Variants in SPG11 observed in about 807,000 individuals in gnomAD.
The protein encoded by SPG11 is spatacsin.
In SPG11, 222 loss-of-function variants were observed where a neutral mutation model predicts 274.0. The observed-to-expected ratio is 0.81, with a 90% CI of 0.73 to 0.91. SPG11 has a LOEUF of 0.91. SPG11 is among the 40% of genes least tolerant of loss of function. The probability of loss-of-function intolerance (pLI) is 0.00; values close to 1 mark genes in which losing one functional copy is unlikely to be tolerated. For synonymous variants in SPG11, 1,144 were observed against 1,039.7 expected, an observed-to-expected ratio of 1.10 and a Z score of -1.93; for missense variants, 3,114 against 2,872.7, an observed-to-expected ratio of 1.08 and a Z score of -1.92.
intron 30 of SPG11, among the ~76,000 whole-genome samples, chr15:44,580,199 T>C (rs887038513): frequency 6.6e-6 from 1 of 152,204 alleles, no homozygotes; most frequent in African/African-American, 2.4e-5. Flanking sequence ...ATACTTACCA[T>C]TGTGTTATAA....
chr15:44,589,899 G>A (rs1046571876), intron 27 of SPG11, among the ~76,000 whole-genome samples: 18 of 152,128 alleles, frequency 1.2e-4, no homozygotes, highest in African/African-American at 2.9e-4. Flanking sequence ...TCTGCCTCCC[G>A]GCTTCAAGTG....
chr15:44,597,615 T>G (rs2083078681), intron 23 of SPG11, among the ~76,000 whole-genome samples: 1 of 152,206 alleles, frequency 6.6e-6, no homozygotes, highest in Admixed American at 6.5e-5. Flanking sequence ...CTCAGAGGCC[T>G]GGTGGGTGCC....
At chr15:44,575,274 A>C in intron 30 of SPG11, 1 of 524,812 alleles carries the variant, frequency 1.9e-6, no homozygotes, top group Non-Finnish European at 3.4e-6. Context: ...GATCAAGGCC[A>C]CCTAATGAGT....
Position 44,663,435 on chromosome 15 carries a change from G to T in SPG11, c.213C>A (p.Gly71=). Residue 71 remains glycine, a synonymous_variant, in exon 1 of 40, where the codon GGC becomes GGA. Transcript: ENST00000261866. ...GGCAGCAGCGACCCCCGCCCCGGCT[G>T]CCAGGCGTCAAAGAAAGCACTTGGA... ...GSLQVLSLTP[G]SRGGGRCCLE... 6.2e-7 allele frequency: 1 copy of T among 1,604,076 alleles called. No homozygotes were observed. Among genetic ancestry groups the T allele is most frequent in the Non-Finnish European group, 8.5e-7 (1 of 1,175,986 alleles).
chr15:44,578,664 GCA>G (rs1231842280), intron 30 of SPG11, among the ~76,000 whole-genome samples: 1 of 152,108 alleles, frequency 6.6e-6, no homozygotes, highest in Admixed American at 6.5e-5. Context: ...TAGGTGGCGT[GCA>G]CACACAGGAC....
At chr15:44,582,622 A>G (rs998112482) in intron 30 of SPG11, among the ~76,000 whole-genome samples, 1 of 152,200 alleles carries the variant, frequency 6.6e-6, no homozygotes, top group Non-Finnish European at 1.5e-5. Flanking sequence ...AATCTTTAAC[A>G]AAACAGCAAA....
intron 28 of SPG11, among the ~76,000 whole-genome samples, chr15:44,589,049 A>C (rs1165384495): frequency 1.3e-5 from 2 of 152,188 alleles, no homozygotes; most frequent in African/African-American, 2.4e-5. Context: ...ATGATTGGTT[A>C]TATCATTTAT....
Position 44,577,515 on chromosome 15 carries a change from A to AC in SPG11, c.5867-2475_5867-2474insG, listed in dbSNP as rs1203135605. On this transcript the variant is annotated intron_variant, in intron 30 of 39. Coordinates refer to ENST00000261866, the MANE Select transcript of SPG11 (RefSeq NM_025137.4). ...GAGGCCCTATCTCAAAAAAAAAAAA[A>AC]AAAACAAAACAAAAACTCTTAAAGA... is the stretch of plus-strand genomic sequence containing the variant. Among the ~76,000 whole-genome samples the AC allele has an allele frequency of 1.7e-3, 259 of 151,378 alleles. 1 individual carries two copies. Among genetic ancestry groups the AC allele is most frequent in the East Asian group, 8.3e-3 (43 of 5,158 alleles).
At chr15:44,636,718 G>A (rs577516639) in intron 7 of SPG11, among the ~76,000 whole-genome samples, 1 of 151,048 alleles carries the variant, frequency 6.6e-6, no homozygotes, top group African/African-American at 2.4e-5. Context: ...TTGAGGTTAG[G>A]AGTTTGAGAC....
At chr15:44,648,512 C>CAAAA (rs57643988) in intron 7 of SPG11, among the ~76,000 whole-genome samples, 147 of 54,198 alleles carry the variant, frequency 2.7e-3, no homozygotes, top group Non-Finnish European at 4.0e-3. Context: ...CACCCTGTGT[C>CAAAA]AAAAAAAAAA....
intron 8 of SPG11, among the ~76,000 whole-genome samples, chr15:44,632,899 A>G (rs1445640397): frequency 6.6e-6 from 1 of 152,186 alleles, no homozygotes; most frequent in African/African-American, 2.4e-5. Flanking sequence ...AATTTTCCAA[A>G]TAAATGTTTT....
chr15:44,633,570 T>C lies in SPG11; in HGVS notation c.1670A>G (p.Asn557Ser), dbSNP rs372263107. The C allele has an allele frequency of 3.0e-5, 48 of 1,612,732 alleles. No individual in the cohort carries two copies. In the African/African-American group the frequency reaches 6.1e-4, roughly 21 times the overall value. The part of the protein sequence containing the change: ...FFLKSKENLF[N>S]PSSKSSVSDQ... ...AGATACAGAAGATTTTGAGGATGGA[T>C]TAAAAAGATTTTCCTTGCTCTTCAA... The change falls in exon 8 of 40, where the codon AAT becomes AGT. Residue 557 changes from asparagine (N) to serine (S), a missense_variant. Transcript: ENST00000261866.
At chr15:44,619,914 C>A (rs1218315267) in intron 15 of SPG11, among the ~76,000 whole-genome samples, 1 of 152,008 alleles carries the variant, frequency 6.6e-6, no homozygotes, top group Non-Finnish European at 1.5e-5. Flanking sequence ...CAGGGTTTCA[C>A]CGTGTTGGCA....
Position 44,564,590 on chromosome 15 carries a change from GCT to G in SPG11, c.7106_7107del (p.Gln2369ProfsTer10). The G allele has an allele frequency of 1.2e-6, 2 of 1,613,788 alleles. No individual in the cohort carries two copies. Among genetic ancestry groups the G allele is most frequent in the Non-Finnish European group, 1.7e-6 (2 of 1,179,778 alleles). ...GDFNYLEEFKQQRLLKSSIFE... is the reference protein window; with the variant it reads ...GDFNYLEEFKXQRLLKSSIFE... ...AATATACTGGACTTTAATAACCTTT[GCT>G]GCTTAAATTCTTCCAAGTAATTAAA... On this transcript the variant is annotated frameshift_variant, in exon 39 of 40. Transcript: ENST00000261866. LOFTEE classifies it high-confidence loss of function.
chr15:44,576,836 T>A (rs557023323), intron 30 of SPG11, among the ~76,000 whole-genome samples: 2 of 152,144 alleles, frequency 1.3e-5, no homozygotes, highest in East Asian at 3.9e-4. Context: ...GAATTGGCTT[T>A]TTTTGTGTGT....
At chr15:44,652,683 C>T (rs963648036) in intron 4 of SPG11, among the ~76,000 whole-genome samples, 5 of 148,204 alleles carry the variant, frequency 3.4e-5, no homozygotes, top group South Asian at 2.1e-4. Context: ...GAGACAGAGT[C>T]TCACTCTGTC....
intron 7 of SPG11, among the ~76,000 whole-genome samples, chr15:44,640,614 T>C (rs767529743): frequency 2.6e-5 from 4 of 152,178 alleles, no homozygotes; most frequent in East Asian, 1.9e-4. Flanking sequence ...CAAGATGGAA[T>C]TGGCCTAAGG....
At chr15:44,564,522 T>G in intron 39 of SPG11, 25 bp downstream of exon 39, 2 of 1,611,882 alleles carry the variant, frequency 1.2e-6, no homozygotes, top group Middle Eastern at 2.0e-4. Flanking sequence ...AGGAGCAATG[T>G]TTACAGTCAA....
intron 7 of SPG11, among the ~76,000 whole-genome samples, chr15:44,636,934 A>AAAAAAAAAAAG (rs2084281228): frequency 8.2e-6 from 1 of 122,408 alleles, no homozygotes; most frequent in Non-Finnish European, 1.8e-5. Context: ...TCAAAAAAAA[A>AAAAAAAAAAAG]AAAAAAAAAA....
Sources: gnomAD v4.1 joint callset for allele counts (sites outside exome capture counted in the v4.1 genomes callset) on GRCh38, gnomAD v4.1.1 for gene constraint, MANE v1.5 for transcripts, NCBI Gene and HGNC (gene_info 2026-07-23, HGNC 2026-07-21) for gene names.